The following CFAP44 variants were observed in gnomAD, a reference collection of about 807,000 sequenced individuals.
CFAP44 encodes cilia and flagella associated protein 44, also known as cilia- and flagella-associated protein 44.
Under a neutral mutation model 216.2 loss-of-function variants are expected in CFAP44, and 134 were observed. The observed-to-expected ratio is 0.62, with a 90% CI of 0.54 to 0.72. CFAP44 has a LOEUF of 0.72. Among genes scored for constraint, CFAP44 ranks in the 30% least tolerant of loss-of-function variants. The pLI is 0.00. For synonymous variants in CFAP44, 700 were observed against 727.6 expected (o/e 0.96, Z 0.61); for missense variants, 2,035 against 2,182.1 (o/e 0.93, Z 1.34).
chr3:113,338,508 A>G (rs1268892434), intron 24 of CFAP44, among the ~76,000 whole-genome samples: 2 of 152,118 alleles, frequency 1.3e-5, no homozygotes. Context: ...AAATAAACCA[A>G]TGAAAATATG....
intron 28 of CFAP44, among the ~76,000 whole-genome samples, chr3:113,321,893 C>T (rs188103404): frequency 1.3e-5 from 2 of 152,256 alleles, no homozygotes; most frequent in East Asian, 3.9e-4. Flanking sequence ...AAAAACATCC[C>T]ATGCTCATAG....
At chr3:113,332,136 T>C (rs1020578531) in intron 25 of CFAP44, among the ~76,000 whole-genome samples, 1 of 152,182 alleles carries the variant, frequency 6.6e-6, no homozygotes, top group Non-Finnish European at 1.5e-5. Context: ...TACCTGCCCA[T>C]CTCCTCTAGC....
chr3:113,364,782 G>T (rs935650913), intron 19 of CFAP44, among the ~76,000 whole-genome samples: 11 of 152,098 alleles, frequency 7.2e-5, no homozygotes, highest in Non-Finnish European at 1.6e-4. Flanking sequence ...TGAAGACTGG[G>T]CATCACCTTC....
intron 24 of CFAP44, among the ~76,000 whole-genome samples, chr3:113,335,010 G>C (rs558137119): frequency 6.6e-6 from 1 of 152,074 alleles, no homozygotes; most frequent in Admixed American, 6.6e-5. Flanking sequence ...TAAAATGAAG[G>C]ATTACTATTT....
chr3:113,321,125 A>C (rs1950142748), intron 28 of CFAP44, among the ~76,000 whole-genome samples: 1 of 152,216 alleles, frequency 6.6e-6, no homozygotes, highest in Non-Finnish European at 1.5e-5. Context: ...AATATTCAAA[A>C]CATACTAGCA....
chr3:113,349,610 C>T (rs903649686), intron 22 of CFAP44, among the ~76,000 whole-genome samples: 7 of 152,130 alleles, frequency 4.6e-5, no homozygotes, highest in African/African-American at 1.2e-4. Flanking sequence ...TCCACTATCC[C>T]GAGGCAATTA....
chr3:113,439,468 T>C (rs1319101161), intron 1 of CFAP44, among the ~76,000 whole-genome samples: 1 of 152,242 alleles, frequency 6.6e-6, no homozygotes, highest in African/African-American at 2.4e-5. Context: ...TGTTGATCTT[T>C]GTAGCCAAGG....
rs115090627 is a variant in CFAP44 at position 113,438,131 on chromosome 3, A to C, written c.-6+3322T>G. 9.8e-3 allele frequency among the ~76,000 whole-genome samples: 1,494 copies of C among 152,340 alleles called. 55 individuals are homozygous for C. The East Asian group carries it at 0.1, about 10-fold the overall frequency. On this transcript the variant is annotated intron_variant, in intron 1 of 34. Transcript: ENST00000393845. ...GCATAAGAACTGGTTAGGAATCATGAGTTTATATAAAACACCTACTAGGCA... is the reference window on the plus strand; with the variant it reads ...GCATAAGAACTGGTTAGGAATCATGCGTTTATATAAAACACCTACTAGGCA...
At chr3:113,395,006 A>G (rs1439698105) in intron 15 of CFAP44, among the ~76,000 whole-genome samples, 1 of 152,226 alleles carries the variant, frequency 6.6e-6, no homozygotes, top group Non-Finnish European at 1.5e-5. Context: ...AACAATGAGT[A>G]TTTGTTGACT....
At chr3:113,425,927 C>T (rs191034431) in intron 4 of CFAP44, 197 bp downstream of exon 4, 296 of 586,776 alleles carry the variant, frequency 5.0e-4, no homozygotes, top group Admixed American at 9.8e-4. Flanking sequence ...GTCACAACTA[C>T]TTATCCCTGT....
At chr3:113,438,876 CAT>C (rs1190557055) in intron 1 of CFAP44, among the ~76,000 whole-genome samples, 1 of 152,164 alleles carries the variant, frequency 6.6e-6, no homozygotes, top group Non-Finnish European at 1.5e-5. Context: ...TCCTCAATGA[CAT>C]GTTTCCAACT....
intron 15 of CFAP44, among the ~76,000 whole-genome samples, chr3:113,382,603 G>A (rs1396324961): frequency 6.6e-6 from 1 of 151,986 alleles, no homozygotes; most frequent in Admixed American, 6.6e-5. Context: ...CCAATAAACA[G>A]GTATGATTAA....
At chr3:113,437,111 C>T (rs1447858038) in intron 1 of CFAP44, among the ~76,000 whole-genome samples, 2 of 152,110 alleles carry the variant, frequency 1.3e-5, no homozygotes, top group Non-Finnish European at 1.5e-5. Context: ...GGCTGTTGCC[C>T]AAGAGTCCTT....
intron 21 of CFAP44, chr3:113,361,102 G>C (rs16860868): frequency 0.19 from 40,467 of 207,524 alleles, 4,697 homozygotes; most frequent in East Asian, 0.4. Context: ...TAGTGGTTTT[G>C]TGAATGAGTT....
At chr3:113,396,291 T>G (rs997277859) in intron 14 of CFAP44, among the ~76,000 whole-genome samples, 1 of 152,222 alleles carries the variant, frequency 6.6e-6, no homozygotes, top group Non-Finnish European at 1.5e-5. Context: ...TAGAATTCAA[T>G]TTGTAAGAAT....
intron 28 of CFAP44, among the ~76,000 whole-genome samples, chr3:113,320,897 C>G (rs1391547899): frequency 6.6e-6 from 1 of 152,122 alleles, no homozygotes; most frequent in Non-Finnish European, 1.5e-5. Context: ...CCCACTGACT[C>G]AAAAGTTAAT....
chr3:113,383,090 A>G lies in CFAP44; in HGVS notation c.1891-2030T>C, dbSNP rs534230543. Among the ~76,000 whole-genome samples the G allele has an allele frequency of 1.3e-3, 204 of 152,366 alleles. 6 individuals are homozygous for G. The highest frequency in any genetic ancestry group is 0.01 in the Middle Eastern group (3 of 294). On this transcript the variant is annotated intron_variant, in intron 15 of 34. Coordinates refer to ENST00000393845, the MANE Select transcript of CFAP44 (RefSeq NM_001164496.2). ...ATAGGCAAATATAAAGTAGTTGGGG[A>G]AATTCAGAGATGGACTTTTGCTAGA...
chr3:113,427,928 A>G (rs10934230), intron 2 of CFAP44, among the ~76,000 whole-genome samples: 26,687 of 152,068 alleles, frequency 0.18, 3,046 homozygotes, highest in East Asian at 0.42. Flanking sequence ...CAGAAGAATA[A>G]GGAAGAAATG....
In CFAP44 at chr3:113,400,554, C is replaced by A; in HGVS notation, c.1465G>T (p.Ala489Ser). ...SPLTYLMATT[A>S]LDCSVRIYDF... The stretch of plus-strand genomic sequence containing the variant: ...AAGAGTTCCTACTTACAGTCCAAGG[C>A]AGTTGTGGCCATGAGATAAGTGAGA... The change falls in exon 12 of 35, where the codon GCC (alanine) becomes TCC (serine). Residue 489 changes from alanine to serine, a missense_variant. Coordinates refer to ENST00000393845, the MANE Select transcript of CFAP44 (RefSeq NM_001164496.2). 1 of 1,601,676 alleles carries A rather than the reference C, an allele frequency of 6.2e-7. No homozygotes were observed. The highest frequency in any genetic ancestry group is 8.5e-7 in the Non-Finnish European group (1 of 1,174,288).
Sources: allele counts gnomAD v4.1 joint callset (sites outside exome capture counted in the v4.1 genomes callset), GRCh38; gene constraint gnomAD v4.1.1; transcripts MANE v1.5; gene names NCBI Gene and HGNC (gene_info 2026-07-23, HGNC 2026-07-21).